VAV2: variants seen among roughly 807,000 people sequenced by gnomAD.
The protein encoded by VAV2 is vav guanine nucleotide exchange factor 2.
In VAV2, 67 loss-of-function variants were observed where a neutral mutation model predicts 132.5. That is an observed-to-expected ratio of 0.51 (90% confidence interval 0.42 to 0.62). VAV2 has a LOEUF of 0.62. VAV2 is among the 20% of genes least tolerant of loss of function. The probability of loss-of-function intolerance (pLI) is 0.00; values close to 1 mark genes in which losing one functional copy is unlikely to be tolerated. For missense variants in VAV2, 938 were observed against 1,153.6 expected (o/e 0.81, Z 2.71); for synonymous variants, 492 against 443.5 (o/e 1.11, Z -1.37).
chr9:133,809,235 G>C, intron 6 of VAV2, 97 bp from the exon 7 acceptor site: 1 of 1,077,842 alleles, frequency 9.3e-7, no homozygotes. Context: ...CCACAAAAGA[G>C]GACTCCTTGG....
rs3780736 is a variant in VAV2, at chr9:133,820,925, C to T, written c.450-8709G>A. Among the ~76,000 whole-genome samples the T allele has an allele frequency of 3.6e-3, 530 of 147,958 alleles. 9 individuals carry two copies. Among genetic ancestry groups the T allele is most frequent in the East Asian group, 0.01 (54 of 5,188 alleles). ...GAGCTTGACGAGAACTCAGCGAAGA[C>T]GCGGCACACGGAACCAGAGCGCCAG... On this transcript the variant is annotated intron_variant, in intron 4 of 29. Transcript: ENST00000371850.
intron 2 of VAV2, among the ~76,000 whole-genome samples, chr9:133,862,184 G>A (rs567821550): frequency 6.6e-6 from 1 of 152,358 alleles, no homozygotes; most frequent in South Asian, 2.1e-4. Flanking sequence ...CTCTGGATAG[G>A]CAGGACCCAC....
intron 1 of VAV2, among the ~76,000 whole-genome samples, chr9:133,975,329 T>C (rs1842471162): frequency 6.6e-6 from 1 of 152,158 alleles, no homozygotes; most frequent in Non-Finnish European, 1.5e-5. Flanking sequence ...GCTGGGTCAA[T>C]GTTATCTGCC....
At chr9:133,850,164 A>G (rs1447673015) in intron 3 of VAV2, among the ~76,000 whole-genome samples, 7 of 152,200 alleles carry the variant, frequency 4.6e-5, no homozygotes, top group Non-Finnish European at 7.3e-5. Flanking sequence ...AGATGAGGGA[A>G]CAAGCTCAGG....
chr9:133,945,035 C>A (rs1362979677), intron 1 of VAV2, among the ~76,000 whole-genome samples: 1 of 152,194 alleles, frequency 6.6e-6, no homozygotes, highest in African/African-American at 2.4e-5. Flanking sequence ...GGGCTAAGAG[C>A]TCCCTTGAGT....
intron 2 of VAV2, among the ~76,000 whole-genome samples, chr9:133,887,755 G>A (rs1375852436): frequency 6.6e-6 from 1 of 152,068 alleles, no homozygotes; most frequent in African/African-American, 2.4e-5. Flanking sequence ...GGCGATCAGC[G>A]AGGCCAGGAA....
intron 4 of VAV2, among the ~76,000 whole-genome samples, chr9:133,817,272 T>C (rs7048247): frequency 0.2 from 30,464 of 152,160 alleles, 3,219 homozygotes; most frequent in African/African-American, 0.26. Context: ...ACTGCAATAA[T>C]ACCCGTGTTA....
At chr9:133,805,308 T>C (rs1835089734) in intron 9 of VAV2, among the ~76,000 whole-genome samples, 1 of 151,960 alleles carries the variant, frequency 6.6e-6, no homozygotes, top group African/African-American at 2.4e-5. Context: ...TGTAACAAGC[T>C]CCCCAGTGGC....
chr9:133,808,200 C>T (rs528918559), intron 7 of VAV2, among the ~76,000 whole-genome samples: 73 of 152,264 alleles, frequency 4.8e-4, no homozygotes, highest in Non-Finnish European at 8.1e-4. Flanking sequence ...GGCAGGGCTT[C>T]GAGGGAACTG....
chr9:133,935,536 G>A lies in VAV2; in HGVS notation c.321+3567C>T, dbSNP rs1027921776. 6.6e-6 allele frequency among the ~76,000 whole-genome samples: 1 copy of A among 152,174 alleles called. No individual in the cohort carries two copies. Among genetic ancestry groups the A allele is most frequent in the Non-Finnish European group, 1.5e-5 (1 of 68,028 alleles). On this transcript the variant is annotated intron_variant, in intron 2 of 29. Coordinates refer to ENST00000371850, the MANE Select transcript of VAV2 (RefSeq NM_001134398.2). This position sits in a 1 kb window ranked among gnomAD's most constrained non-coding sequence, Gnocchi z 5.2. Reference sequence around the variant, plus strand: ...CCGGCCCAGCAAGAGGTCCCCAGGAGTCTGAGCACCTGGGCAGACCAGGCC... The same window carrying A: ...CCGGCCCAGCAAGAGGTCCCCAGGAATCTGAGCACCTGGGCAGACCAGGCC...
At position 133,939,578 on chromosome 9, in the gene VAV2, C is replaced by T. The variant is rs111258600; in HGVS notation, c.205-359G>A. Reference sequence around the variant, plus strand: ...CGTAGGTCAGGGCGGCAAGGCAGCACCCTGGGCCCTCCATGACCATCCAAC... The same window carrying T: ...CGTAGGTCAGGGCGGCAAGGCAGCATCCTGGGCCCTCCATGACCATCCAAC... On this transcript the variant is annotated intron_variant, in intron 1 of 29. Coordinates refer to ENST00000371850, the MANE Select transcript of VAV2 (RefSeq NM_001134398.2). 8.4e-3 allele frequency among the ~76,000 whole-genome samples: 1,283 copies of T among 152,366 alleles called. 20 individuals carry two copies. Among genetic ancestry groups the T allele is most frequent in the African/African-American group, 0.03 (1,228 of 41,588 alleles).
rs969000768 is a variant in VAV2 at position 133,912,188 on chromosome 9, G to A, written c.321+26915C>T. Among the ~76,000 whole-genome samples, 4 of 152,160 alleles carry A rather than the reference G, an allele frequency of 2.6e-5. No individual in the cohort carries two copies. Among genetic ancestry groups the A allele is most frequent in the Non-Finnish European group, 4.4e-5 (3 of 68,040 alleles). The stretch of plus-strand genomic sequence containing the variant: ...TTAGATCAGCTGCGGCTACAGTCCC[G>A]GCCTCCAACACACGTGGGAGAAGGG... On this transcript the variant is annotated intron_variant, in intron 2 of 29. Transcript: ENST00000371850. This position sits in a 1 kb window ranked among gnomAD's most constrained non-coding sequence, Gnocchi z 4.3.
intron 25 of VAV2, among the ~76,000 whole-genome samples, chr9:133,773,641 T>TG (rs1385988174): frequency 7.9e-6 from 1 of 126,392 alleles, no homozygotes. Flanking sequence ...TAAGCTTTCC[T>TG]GTTTTTTTTC....
chr9:133,984,686 C>T (rs560068974), intron 1 of VAV2, among the ~76,000 whole-genome samples: 1 of 152,068 alleles, frequency 6.6e-6, no homozygotes, highest in Non-Finnish European at 1.5e-5. Flanking sequence ...AGCAGTAATG[C>T]CCCTGTTGAA....
At chr9:133,796,812 T>C (rs2428099) in intron 10 of VAV2, among the ~76,000 whole-genome samples, 86,809 of 152,062 alleles carry the variant, frequency 0.57, 25,559 homozygotes, top group African/African-American at 0.71. Context: ...GCTGGGCCTG[T>C]CTGGATGTGG....
chr9:133,845,100 G>A (rs544377140), intron 3 of VAV2, among the ~76,000 whole-genome samples: 4 of 152,222 alleles, frequency 2.6e-5, no homozygotes, highest in Non-Finnish European at 5.9e-5. Context: ...AGCTTCCCCC[G>A]CTCTCGCGTC....
At chr9:133,887,730 C>G (rs924973209) in intron 2 of VAV2, among the ~76,000 whole-genome samples, 1 of 152,106 alleles carries the variant, frequency 6.6e-6, no homozygotes, top group Non-Finnish European at 1.5e-5. Flanking sequence ...AGAGGGATGA[C>G]GGCCAGCCTG....
chr9:133,798,875 A>G (rs1834824390), intron 9 of VAV2, among the ~76,000 whole-genome samples: 1 of 152,214 alleles, frequency 6.6e-6, no homozygotes, highest in African/African-American at 2.4e-5. Context: ...GGCCGGACCC[A>G]GCGTCCTGGT....
intron 3 of VAV2, among the ~76,000 whole-genome samples, chr9:133,843,936 G>A (rs1836827185): frequency 6.9e-6 from 1 of 145,486 alleles, no homozygotes. Flanking sequence ...CTTGACATCT[G>A]CCATGGCAGG....
Sources: gnomAD v4.1 joint callset for allele counts (sites outside exome capture counted in the v4.1 genomes callset) on GRCh38, gnomAD v4.1.1 for gene constraint, Gnocchi (gnomAD v3.1) non-coding constraint, MANE v1.5 for transcripts, NCBI Gene and HGNC (gene_info 2026-07-23, HGNC 2026-07-21) for gene names.